The following MAF variants were observed in gnomAD, a reference collection of about 807,000 sequenced individuals.
The protein encoded by MAF is transcription factor Maf.
A neutral mutation model predicts 22.0 loss-of-function variants in MAF; 10 were observed. That is an observed-to-expected ratio of 0.45 (90% CI 0.28 to 0.77). The LOEUF (loss-of-function observed/expected upper bound fraction) is 0.77, where lower values mean the gene tolerates loss of function less well. Among genes scored for constraint, MAF ranks in the 30% least tolerant of loss-of-function variants. The probability of loss-of-function intolerance (pLI) is 0.12; values close to 1 mark genes in which losing one functional copy is unlikely to be tolerated. For synonymous variants in MAF, 337 were observed against 255.8 expected, an observed-to-expected ratio of 1.32 and a Z score of -3.03; for missense variants, 544 against 548.4, an observed-to-expected ratio of 0.99 and a Z score of 0.08.
At chr16:79,221,954 T>G in the MAF span, among the ~76,000 whole-genome samples, 1 of 152,192 alleles carries the variant, frequency 6.6e-6, no homozygotes, top group African/African-American at 2.4e-5. Context: ...TACACTTCCC[T>G]GGGACACAGA....
At chr16:79,532,478 A>T in the MAF span, among the ~76,000 whole-genome samples, 26 of 152,238 alleles carry the variant, frequency 1.7e-4, 1 homozygote, top group Admixed American at 2.0e-4. Context: ...CAATCATTCA[A>T]TCTGATAGGT....
the MAF span, among the ~76,000 whole-genome samples, chr16:79,214,423 A>G: frequency 6.6e-6 from 1 of 152,132 alleles, no homozygotes; most frequent in Non-Finnish European, 1.5e-5. Context: ...CACTGTGCTA[A>G]GCAGGCTACA....
At chr16:79,207,659 C>T in the MAF span, among the ~76,000 whole-genome samples, 30 of 152,154 alleles carry the variant, frequency 2.0e-4, no homozygotes, top group Non-Finnish European at 3.2e-4. Flanking sequence ...CAGGAATCTC[C>T]TCTTTCTTTT....
At chr16:79,204,287 A>G in the MAF span, 1 of 152,132 alleles carries the variant, frequency 6.6e-6, no homozygotes, top group African/African-American at 2.4e-5. Flanking sequence ...TTCTAATGAG[A>G]CAGCCTCTCA....
the MAF span, among the ~76,000 whole-genome samples, chr16:79,280,818 G>C: frequency 6.6e-6 from 1 of 152,146 alleles, no homozygotes; most frequent in South Asian, 2.1e-4. Context: ...TACTCCTCAG[G>C]AACTGCACCT....
the MAF span, among the ~76,000 whole-genome samples, chr16:79,370,429 C>G: frequency 6.6e-6 from 1 of 152,204 alleles, no homozygotes; most frequent in African/African-American, 2.4e-5. Flanking sequence ...GAGGTTCTGA[C>G]TAGATCTCAG....
chr16:79,560,030 G>T, the MAF span, among the ~76,000 whole-genome samples: 2 of 152,140 alleles, frequency 1.3e-5, no homozygotes, highest in African/African-American at 4.8e-5. Flanking sequence ...TTAGCCTTCT[G>T]AGTAGCTGGG....
chr16:79,233,271 C>A, the MAF span, among the ~76,000 whole-genome samples: 1 of 152,058 alleles, frequency 6.6e-6, no homozygotes, highest in East Asian at 1.9e-4. Flanking sequence ...CCAAGTGGAC[C>A]CTAATACAGG....
At chr16:79,433,072 T>C in the MAF span, among the ~76,000 whole-genome samples, 1 of 152,166 alleles carries the variant, frequency 6.6e-6, no homozygotes, top group Non-Finnish European at 1.5e-5. Flanking sequence ...CCACATCATG[T>C]GATTCAAATC....
At chr16:79,323,165 A>AG in the MAF span, among the ~76,000 whole-genome samples, 1 of 131,820 alleles carries the variant, frequency 7.6e-6, no homozygotes, top group East Asian at 2.0e-4. Context: ...AAAAAAAAAA[A>AG]AAAAAAAAAA....
the MAF span, among the ~76,000 whole-genome samples, chr16:79,254,165 T>A: frequency 6.6e-6 from 1 of 151,922 alleles, no homozygotes; most frequent in Admixed American, 6.6e-5. Context: ...AAGAGAAAAA[T>A]AATCAAGCAT....
the MAF span, among the ~76,000 whole-genome samples, chr16:79,266,688 G>T: frequency 6.6e-6 from 1 of 152,166 alleles, no homozygotes; most frequent in African/African-American, 2.4e-5. Context: ...GGAGAGTAGG[G>T]TAGAGTGATG....
At chr16:79,274,934 G>A in the MAF span, among the ~76,000 whole-genome samples, 2 of 152,218 alleles carry the variant, frequency 1.3e-5, no homozygotes, top group African/African-American at 4.8e-5. Flanking sequence ...TTTTGTGTAT[G>A]TTGCCTAAAC....
chr16:79,341,786 C>T, the MAF span, among the ~76,000 whole-genome samples: 1 of 152,116 alleles, frequency 6.6e-6, no homozygotes, highest in African/African-American at 2.4e-5. Flanking sequence ...GTCATAAAGC[C>T]AAGAGATGGC....
At chr16:79,428,694 A>T in the MAF span, among the ~76,000 whole-genome samples, 4 of 152,068 alleles carry the variant, frequency 2.6e-5, no homozygotes, top group East Asian at 7.8e-4. Context: ...ACACACACAC[A>T]AAAATTATCC....
chr16:79,305,682 G>C, the MAF span, among the ~76,000 whole-genome samples: 1 of 152,310 alleles, frequency 6.6e-6, no homozygotes, highest in South Asian at 2.1e-4. Flanking sequence ...TTGAACCTGA[G>C]CTGTAATAGA....
the MAF span, among the ~76,000 whole-genome samples, chr16:79,208,120 C>T: frequency 6.6e-6 from 1 of 152,152 alleles, no homozygotes; most frequent in Non-Finnish European, 1.5e-5. Flanking sequence ...CTCTTAATCC[C>T]AAACAAGAGT....
At chr16:79,330,154 A>G in the MAF span, among the ~76,000 whole-genome samples, 1 of 152,206 alleles carries the variant, frequency 6.6e-6, no homozygotes, top group African/African-American at 2.4e-5. Context: ...GCCATATCCC[A>G]AGAGGGCAAA....
the MAF span, among the ~76,000 whole-genome samples, chr16:79,350,850 C>T: frequency 3.4e-5 from 5 of 148,508 alleles, no homozygotes; most frequent in Admixed American, 6.8e-5. Context: ...AGCAGGTGGC[C>T]TGCCTAACAG....
Sources: gnomAD v4.1 joint callset for allele counts (sites outside exome capture counted in the v4.1 genomes callset) on GRCh38, gnomAD v4.1.1 for gene constraint, MANE v1.5 for transcripts, NCBI Gene and HGNC (gene_info 2026-07-23, HGNC 2026-07-21) for gene names.